Variants in SNX29 observed in about 807,000 individuals in gnomAD.
SNX29 encodes the protein sorting nexin 29.
A neutral mutation model predicts 102.1 loss-of-function variants in SNX29; 78 were observed. The ratio of observed to expected loss-of-function variants is 0.76; its 90% CI spans 0.64 to 0.92. The LOEUF (loss-of-function observed/expected upper bound fraction) is 0.92, where lower values mean the gene tolerates loss of function less well. SNX29 is among the 40% of genes least tolerant of loss of function. The probability of loss-of-function intolerance (pLI) is 0.00; values close to 1 mark genes in which losing one functional copy is unlikely to be tolerated. For synonymous variants in SNX29, 580 were observed against 414.5 expected (o/e 1.40, Z -4.85); for missense variants, 1,280 against 1,061.7 (o/e 1.21, Z -2.86).
intron 19 of SNX29, among the ~76,000 whole-genome samples, chr16:12,482,502 A>G (rs2087994983): frequency 6.6e-6 from 1 of 152,066 alleles, no homozygotes; most frequent in Non-Finnish European, 1.5e-5. Flanking sequence ...GGGTTTCACC[A>G]TGTTCGCCAG....
chr16:12,460,721 G>A (rs371549332), intron 18 of SNX29, among the ~76,000 whole-genome samples: 4 of 149,408 alleles, frequency 2.7e-5, no homozygotes, highest in African/African-American at 1.0e-4. Flanking sequence ...GCAGTGGTGC[G>A]ATCTCAGCTC....
At chr16:12,329,752 T>C (rs1173940015) in intron 15 of SNX29, among the ~76,000 whole-genome samples, 1 of 152,248 alleles carries the variant, frequency 6.6e-6, no homozygotes, top group Non-Finnish European at 1.5e-5. Context: ...ATTGAGGTGT[T>C]GGCACACATG....
intron 16 of SNX29, among the ~76,000 whole-genome samples, chr16:12,368,311 A>G (rs1369432857): frequency 6.6e-6 from 1 of 152,242 alleles, no homozygotes; most frequent in Non-Finnish European, 1.5e-5. Context: ...ATGCAAGCTT[A>G]TCTTTAAAGC....
chr16:12,266,942 T>C (rs1333397233), intron 14 of SNX29, among the ~76,000 whole-genome samples: 2 of 151,990 alleles, frequency 1.3e-5, no homozygotes, highest in Non-Finnish European at 2.9e-5. Context: ...TTTGTATTTT[T>C]AGTGGAGATG....
At chr16:12,540,503 C>G (rs1342226924) in intron 20 of SNX29, among the ~76,000 whole-genome samples, 4 of 152,362 alleles carry the variant, frequency 2.6e-5, no homozygotes, top group East Asian at 1.9e-4. Context: ...CTGGCGCCTT[C>G]TCGAGGTTGT....
chr16:12,253,539 C>A (rs1179519478), intron 14 of SNX29, among the ~76,000 whole-genome samples: 2 of 152,066 alleles, frequency 1.3e-5, no homozygotes, highest in Non-Finnish European at 2.9e-5. Flanking sequence ...GTTGAGAAGG[C>A]GTTGCCTGAG....
At chr16:11,997,372 C>T (rs375215093) in intron 1 of SNX29, among the ~76,000 whole-genome samples, 2 of 152,184 alleles carry the variant, frequency 1.3e-5, no homozygotes, top group East Asian at 1.9e-4. Context: ...TCAGTGGCTG[C>T]CTTGGCTAAA....
intron 19 of SNX29, among the ~76,000 whole-genome samples, chr16:12,518,348 C>G (rs1032543386): frequency 8.5e-5 from 13 of 152,198 alleles, no homozygotes; most frequent in African/African-American, 2.7e-4. Flanking sequence ...AGCCGCTAAA[C>G]CCAGCCACAC....
At chr16:12,376,374 C>T (rs2082874624) in intron 16 of SNX29, among the ~76,000 whole-genome samples, 1 of 152,198 alleles carries the variant, frequency 6.6e-6, no homozygotes, top group Admixed American at 6.5e-5. Context: ...GGTCACAAAT[C>T]ATCTGAGCCA....
At chr16:12,365,670 G>A (rs2082446889) in intron 16 of SNX29, among the ~76,000 whole-genome samples, 1 of 149,986 alleles carries the variant, frequency 6.7e-6, no homozygotes, top group Non-Finnish European at 1.5e-5. Flanking sequence ...CAGCCTGGGT[G>A]ACAGAGCAAG....
At chr16:12,552,874 GAGACATGGACATGGAGGCAGGAGAT>G (rs1254365780) in intron 20 of SNX29, among the ~76,000 whole-genome samples, 1 of 152,228 alleles carries the variant, frequency 6.6e-6, no homozygotes, top group East Asian at 1.9e-4. Context: ...AGGGCCTGGG[GAGACATGGACATGGAGGCAGGAGAT>G]AGGCAAGGGC....
intron 15 of SNX29, among the ~76,000 whole-genome samples, chr16:12,288,972 C>T (rs1468527077): frequency 6.6e-6 from 1 of 152,238 alleles, no homozygotes; most frequent in African/African-American, 2.4e-5. Context: ...GGAATCAGGC[C>T]TGCCTTGCCT....
At chr16:12,557,141 C>A (rs3135019) in intron 20 of SNX29, among the ~76,000 whole-genome samples, 117,402 of 151,856 alleles carry the variant, frequency 0.77, 45,961 homozygotes, top group Middle Eastern at 0.85. Context: ...GAGTCACTGC[C>A]CCTGGTCACA....
At chr16:12,063,658 C>T (rs911265809) in intron 9 of SNX29, among the ~76,000 whole-genome samples, 1 of 152,096 alleles carries the variant, frequency 6.6e-6, no homozygotes, top group African/African-American at 2.4e-5. Flanking sequence ...GGATTATAGG[C>T]ATGAGCCACC....
chr16:12,223,343 T>C (rs1308628308), intron 14 of SNX29, among the ~76,000 whole-genome samples: 1 of 152,172 alleles, frequency 6.6e-6, no homozygotes, highest in Non-Finnish European at 1.5e-5. Flanking sequence ...GTGGCCAACA[T>C]GGCAAAACCC....
At chr16:12,227,274 G>C (rs556407217) in intron 14 of SNX29, among the ~76,000 whole-genome samples, 2 of 152,150 alleles carry the variant, frequency 1.3e-5, no homozygotes, top group South Asian at 4.1e-4. Context: ...CCTGTTTAGC[G>C]CATTTCTCAC....
At chr16:12,264,206 C>T (rs896244146) in intron 14 of SNX29, among the ~76,000 whole-genome samples, 4 of 152,230 alleles carry the variant, frequency 2.6e-5, no homozygotes, top group Non-Finnish European at 5.9e-5. Context: ...GTGTTGTGTC[C>T]TCACTCTGTT....
intron 15 of SNX29, among the ~76,000 whole-genome samples, chr16:12,293,858 G>A (rs530219243): frequency 6.6e-6 from 1 of 152,308 alleles, no homozygotes; most frequent in South Asian, 2.1e-4. Flanking sequence ...CATTCATTCA[G>A]TGCTTATACG....
chr16:12,384,956 A>T (rs1020923165), intron 16 of SNX29, among the ~76,000 whole-genome samples: 2 of 152,212 alleles, frequency 1.3e-5, no homozygotes, highest in Non-Finnish European at 2.9e-5. Context: ...GGATCACCTG[A>T]GGTCAGGAGT....
Sources: gnomAD v4.1 joint callset for allele counts (sites outside exome capture counted in the v4.1 genomes callset) on GRCh38, gnomAD v4.1.1 for gene constraint, MANE v1.5 for transcripts, NCBI Gene and HGNC (gene_info 2026-07-23, HGNC 2026-07-21) for gene names.